GRM7: variants seen among roughly 807,000 people sequenced by gnomAD.
GRM7 encodes the protein glutamate metabotropic receptor 7.
Under a neutral mutation model 84.5 loss-of-function variants are expected in GRM7, and 35 were observed. The ratio of observed to expected loss-of-function variants is 0.41; its 90% confidence interval spans 0.32 to 0.55. GRM7 has a LOEUF of 0.55. Among genes scored for constraint, GRM7 ranks in the 20% least tolerant of loss-of-function variants. The probability of loss-of-function intolerance (pLI) is 0.19; values close to 1 mark genes in which losing one functional copy is unlikely to be tolerated. For missense variants in GRM7, 1,003 were observed against 1,194.6 expected (o/e 0.84, Z 2.36); for synonymous variants, 487 against 455.1 (o/e 1.07, Z -0.89).
At chr3:6,887,215 T>G (rs902599394) in intron 1 of GRM7, among the ~76,000 whole-genome samples, 4 of 151,990 alleles carry the variant, frequency 2.6e-5, no homozygotes, top group Non-Finnish European at 5.9e-5. Flanking sequence ...AAGTAAAGTT[T>G]AAAGTCTTTT....
At chr3:7,720,178 T>C (rs1701897238) in intron 9 of GRM7, among the ~76,000 whole-genome samples, 1 of 152,178 alleles carries the variant, frequency 6.6e-6, no homozygotes, top group South Asian at 2.1e-4. Context: ...ACAGCAAAGC[T>C]GGGATTTAAA....
chr3:7,443,193 A>G (rs1302451735), intron 5 of GRM7, among the ~76,000 whole-genome samples: 1 of 152,120 alleles, frequency 6.6e-6, no homozygotes, highest in Non-Finnish European at 1.5e-5. Context: ...GAACCCCAAC[A>G]GCTGTCATAA....
chr3:7,583,104 T>C (rs2125056792), intron 8 of GRM7, among the ~76,000 whole-genome samples: 1 of 152,234 alleles, frequency 6.6e-6, no homozygotes, highest in South Asian at 2.1e-4. Context: ...AAGACACTAA[T>C]CCACAAAGAC....
chr3:6,953,129 C>T (rs1265834947), intron 1 of GRM7, among the ~76,000 whole-genome samples: 1 of 152,204 alleles, frequency 6.6e-6, no homozygotes, highest in Non-Finnish European at 1.5e-5. Context: ...TTCCAATGTG[C>T]TGCAGACTTT....
chr3:6,881,593 T>A (rs1669387), intron 1 of GRM7, among the ~76,000 whole-genome samples: 92,004 of 150,878 alleles, frequency 0.61, 28,318 homozygotes, highest in South Asian at 0.65. Flanking sequence ...AAACAAATTT[T>A]AAAGAAAAAA....
intron 2 of GRM7, among the ~76,000 whole-genome samples, chr3:7,213,377 A>G (rs547657864): frequency 6.6e-6 from 1 of 152,288 alleles, no homozygotes; most frequent in African/African-American, 2.4e-5. Context: ...TGAGTAGCAA[A>G]TCATACAACT....
chr3:7,517,198 G>A (rs1700423235), intron 7 of GRM7, among the ~76,000 whole-genome samples: 1 of 152,180 alleles, frequency 6.6e-6, no homozygotes, highest in African/African-American at 2.4e-5. Flanking sequence ...TAAAATTGAG[G>A]TAGATGCAGA....
chr3:7,712,994 A>G, intron 9 of GRM7, among the ~76,000 whole-genome samples: 1 of 152,024 alleles, frequency 6.6e-6, no homozygotes, highest in East Asian at 1.9e-4. Context: ...TCTTCTTATA[A>G]GGATGCCAAT....
At chr3:7,497,906 G>A (rs761632341) in intron 7 of GRM7, among the ~76,000 whole-genome samples, 5 of 152,150 alleles carry the variant, frequency 3.3e-5, no homozygotes, top group Non-Finnish European at 5.9e-5. Context: ...ATTGTGGGAT[G>A]TGATAGGAAC....
At chr3:7,547,228 A>T (rs779734) in intron 7 of GRM7, among the ~76,000 whole-genome samples, 1 of 113,604 alleles carries the variant, frequency 8.8e-6, no homozygotes, top group African/African-American at 3.8e-5. Flanking sequence ...TTTTTTTGAG[A>T]CGGAGTCTCA....
chr3:7,423,061 G>T (rs1189558865), intron 5 of GRM7, among the ~76,000 whole-genome samples: 4 of 152,066 alleles, frequency 2.6e-5, no homozygotes, highest in African/African-American at 7.2e-5. Context: ...GATGGACCCT[G>T]CAGTAAATAA....
At chr3:6,871,770 A>G (rs1344765476) in intron 1 of GRM7, among the ~76,000 whole-genome samples, 1 of 152,172 alleles carries the variant, frequency 6.6e-6, no homozygotes, top group Admixed American at 6.6e-5. Flanking sequence ...AACACATTTT[A>G]TATCAACACA....
At chr3:7,536,435 TG>T (rs1396978786) in intron 7 of GRM7, among the ~76,000 whole-genome samples, 1 of 152,172 alleles carries the variant, frequency 6.6e-6, no homozygotes, top group Non-Finnish European at 1.5e-5. Flanking sequence ...GGACTAATTC[TG>T]GGGACATGTG....
intron 7 of GRM7, among the ~76,000 whole-genome samples, chr3:7,479,610 A>G (rs1329141118): frequency 6.6e-6 from 1 of 152,184 alleles, no homozygotes; most frequent in Admixed American, 6.5e-5. Flanking sequence ...TAACTTTTTA[A>G]TCACTCACTG....
chr3:7,708,206 G>C (rs985815503), intron 9 of GRM7, among the ~76,000 whole-genome samples: 1 of 150,786 alleles, frequency 6.6e-6, no homozygotes, highest in Non-Finnish European at 1.5e-5. Context: ...TGAGGTTTTT[G>C]TCTCATTTAT....
At chr3:7,582,418 T>C (rs1695300661) in intron 8 of GRM7, among the ~76,000 whole-genome samples, 1 of 152,250 alleles carries the variant, frequency 6.6e-6, no homozygotes, top group African/African-American at 2.4e-5. Flanking sequence ...TTGTGCAATG[T>C]GACTCTACAA....
At chr3:7,385,519 C>T (rs141837372) in intron 4 of GRM7, among the ~76,000 whole-genome samples, 10,240 of 151,874 alleles carry the variant, frequency 0.067, 512 homozygotes, top group Non-Finnish European at 0.1. Flanking sequence ...GCAGGATGGT[C>T]TCGATCTCCT....
intron 9 of GRM7, among the ~76,000 whole-genome samples, chr3:7,695,155 G>A (rs115603692): frequency 1.2e-3 from 177 of 152,320 alleles, no homozygotes; most frequent in African/African-American, 4.0e-3. Context: ...AGCACTGTGA[G>A]AAGCTATGTC....
rs530534605 is a variant in GRM7, at chr3:7,691,292, T to C, written c.2698+10997T>C. On this transcript the variant is annotated intron_variant, in intron 9 of 9. Coordinates refer to ENST00000357716, the MANE Select transcript of GRM7 (RefSeq NM_000844.4). ...GTTCTTCTTGAGCTGACCCAACACTTAGGAAAACATGACATGGATCAGCAA... is the reference window on the plus strand; with the variant it reads ...GTTCTTCTTGAGCTGACCCAACACTCAGGAAAACATGACATGGATCAGCAA... The C allele has an allele frequency of 9.8e-4, 1,249 of 1,276,222 alleles. 2 individuals are homozygous for C. The highest frequency in any genetic ancestry group is 1.1e-3 in the Non-Finnish European group (1,093 of 980,472). The allele number at this position is 1,276,222 out of a possible 1,614,324, so 79.1% of individuals were successfully genotyped here. A position where few individuals can be genotyped will look rare whatever the true frequency, so the allele number is the denominator to read the frequency against.
Sources: allele counts gnomAD v4.1 joint callset (sites outside exome capture counted in the v4.1 genomes callset), GRCh38; gene constraint gnomAD v4.1.1; transcripts MANE v1.5; gene names NCBI Gene and HGNC (gene_info 2026-07-23, HGNC 2026-07-21).